CACNA2D1: variants seen among roughly 807,000 people sequenced by gnomAD.
CACNA2D1 encodes voltage-dependent calcium channel subunit alpha-2/delta-1.
CACNA2D1 carries 53 observed loss-of-function variants against 171.5 expected under a neutral mutation model. That is an observed-to-expected ratio of 0.31 (90% CI 0.25 to 0.39). The LOEUF is 0.39. Ranked by LOEUF, CACNA2D1 falls within the 10% of genes least tolerant of loss-of-function variation. The pLI, the probability that CACNA2D1 is intolerant of heterozygous loss-of-function variation, is 1.00. For synonymous variants in CACNA2D1, 442 were observed against 443.1 expected (o/e 1.00, Z 0.03); for missense variants, 903 against 1,299.8 (o/e 0.69, Z 4.69).
chr7:82,343,753 C>G (rs1818944603), intron 2 of CACNA2D1, among the ~76,000 whole-genome samples: 1 of 152,022 alleles, frequency 6.6e-6, no homozygotes, highest in African/African-American at 2.4e-5. Context: ...CCAGAAAATT[C>G]ATATGCAATT....
intron 1 of CACNA2D1, among the ~76,000 whole-genome samples, chr7:82,400,816 G>A (rs1194405308): frequency 6.7e-6 from 1 of 150,116 alleles, no homozygotes; most frequent in African/African-American, 2.4e-5. Flanking sequence ...TCTGACAAAG[G>A]GCTAATATCC....
chr7:82,411,960 A>G (rs999226956), intron 1 of CACNA2D1, among the ~76,000 whole-genome samples: 4 of 151,338 alleles, frequency 2.6e-5, no homozygotes, highest in Non-Finnish European at 4.4e-5. Flanking sequence ...TCCCCAAAAA[A>G]CCCTCTTTCA....
At chr7:82,347,328 C>A (rs2108053) in intron 2 of CACNA2D1, among the ~76,000 whole-genome samples, 3 of 152,052 alleles carry the variant, frequency 2.0e-5, no homozygotes, top group Non-Finnish European at 4.4e-5. Context: ...GCCCAGGCCG[C>A]AGTGCAGTGG....
chr7:81,967,406 C>A (rs1474895912), intron 30 of CACNA2D1, among the ~76,000 whole-genome samples, 190 bp downstream of exon 30: 2 of 151,232 alleles, frequency 1.3e-5, no homozygotes, highest in African/African-American at 2.4e-5. Context: ...CATGTTATAA[C>A]CTTGAAATAC....
intron 7 of CACNA2D1, 151 bp from the exon 8 acceptor site, chr7:82,066,675 A>C: frequency 8.2e-7 from 1 of 1,215,112 alleles, no homozygotes; most frequent in Non-Finnish European, 1.1e-6. Flanking sequence ...TTAAGCCCTT[A>C]TATTGCTTTA....
At chr7:82,363,254 C>CCT (rs1821285906) in intron 1 of CACNA2D1, among the ~76,000 whole-genome samples, 1 of 63,420 alleles carries the variant, frequency 1.6e-5, no homozygotes, top group Non-Finnish European at 2.6e-5. Context: ...TTATTTGTCT[C>CCT]TTTTTTTTTT....
chr7:82,064,188 A>G (rs1807316791), intron 9 of CACNA2D1, 116 bp downstream of exon 9: 1 of 636,658 alleles, frequency 1.6e-6, no homozygotes, highest in Admixed American at 2.5e-5. Flanking sequence ...AGTCATCATA[A>G]TTTTTCTTTG....
intron 12 of CACNA2D1, chr7:82,027,644 A>AT (rs1353743999): frequency 3.3e-5 from 5 of 151,664 alleles, no homozygotes; most frequent in Non-Finnish European, 7.4e-5. Context: ...TCTTTGTTGC[A>AT]TTTTTTACAG....
At chr7:81,953,238 T>A (rs1310661835) in intron 38 of CACNA2D1, among the ~76,000 whole-genome samples, 1 of 152,136 alleles carries the variant, frequency 6.6e-6, no homozygotes, top group East Asian at 1.9e-4. Flanking sequence ...TGCCCTTTTA[T>A]AAACGCTTCT....
chr7:82,234,580 C>T (rs1006328601), intron 3 of CACNA2D1, among the ~76,000 whole-genome samples: 1 of 139,996 alleles, frequency 7.1e-6, no homozygotes, highest in Non-Finnish European at 1.6e-5. Flanking sequence ...TCAAGAATAT[C>T]ACTTTAGAAA....
intron 4 of CACNA2D1, among the ~76,000 whole-genome samples, chr7:82,150,758 CAG>C (rs1470658843): frequency 6.6e-6 from 1 of 152,022 alleles, no homozygotes; most frequent in Non-Finnish European, 1.5e-5. Flanking sequence ...AAGTAGAAAT[CAG>C]TGTTTTTATA....
intron 3 of CACNA2D1, among the ~76,000 whole-genome samples, chr7:82,229,806 A>G (rs1355720113): frequency 6.6e-6 from 1 of 152,092 alleles, no homozygotes; most frequent in East Asian, 1.9e-4. Flanking sequence ...CTGGGATTAC[A>G]GGCATGAGCC....
intron 4 of CACNA2D1, among the ~76,000 whole-genome samples, chr7:82,156,935 C>A (rs1019657898): frequency 5.3e-5 from 8 of 152,008 alleles, no homozygotes; most frequent in African/African-American, 1.9e-4. Context: ...GTTTTATATT[C>A]TTTGAAATAA....
At chr7:82,362,761 C>A (rs1329972609) in intron 1 of CACNA2D1, among the ~76,000 whole-genome samples, 1 of 152,114 alleles carries the variant, frequency 6.6e-6, no homozygotes, top group Non-Finnish European at 1.5e-5. Flanking sequence ...CCAATTACTG[C>A]AAGTAATAAA....
At chr7:81,964,151 TACTGAGGAC>T (rs770219374) in intron 33 of CACNA2D1, 43 bp from the exon 34 acceptor site, 1 of 1,610,514 alleles carries the variant, frequency 6.2e-7, no homozygotes, top group Non-Finnish European at 8.5e-7. Context: ...GTCTACTTGA[TACTGAGGAC>T]ACTTGAGTAC....
At chr7:82,143,336 G>A (rs964065484) in intron 4 of CACNA2D1, among the ~76,000 whole-genome samples, 1 of 151,954 alleles carries the variant, frequency 6.6e-6, no homozygotes, top group African/African-American at 2.4e-5. Flanking sequence ...ACAGTGCATG[G>A]CACACAATAT....
intron 3 of CACNA2D1, among the ~76,000 whole-genome samples, chr7:82,223,020 C>T (rs1273549699): frequency 1.3e-5 from 2 of 150,546 alleles, no homozygotes; most frequent in Admixed American, 6.7e-5. Context: ...TCAAGGGATT[C>T]TCCTCCCTCA....
chr7:82,442,466 T>C (rs1321153570), intron 1 of CACNA2D1, among the ~76,000 whole-genome samples: 2 of 152,202 alleles, frequency 1.3e-5, no homozygotes. Flanking sequence ...TTAAAAAATA[T>C]GTATATATTT....
intron 4 of CACNA2D1, among the ~76,000 whole-genome samples, chr7:82,139,313 T>G (rs902529491): frequency 2.0e-5 from 3 of 152,192 alleles, no homozygotes; most frequent in Non-Finnish European, 4.4e-5. Flanking sequence ...TCAGAAGGGT[T>G]ACAAGTATGA....
Sources: allele counts gnomAD v4.1 joint callset (sites outside exome capture counted in the v4.1 genomes callset), GRCh38; gene constraint gnomAD v4.1.1; transcripts MANE v1.5; gene names NCBI Gene and HGNC (gene_info 2026-07-23, HGNC 2026-07-21).